The following PEBP4 variants were observed in gnomAD, a reference collection of about 807,000 sequenced individuals.
The protein encoded by PEBP4 is phosphatidylethanolamine-binding protein 4.
In PEBP4, 22 loss-of-function variants were observed where a neutral mutation model predicts 23.9. The ratio of observed to expected loss-of-function variants is 0.92; its 90% confidence interval spans 0.66 to 1.31. PEBP4 has a LOEUF of 1.31. Ranked by LOEUF, PEBP4 falls within the 40% of genes most tolerant of loss-of-function variation. The pLI, the probability that PEBP4 is intolerant of heterozygous loss-of-function variation, is 0.00. For synonymous variants in PEBP4, 112 were observed against 99.3 expected (o/e 1.13, Z -0.76); for missense variants, 324 against 281.7 (o/e 1.15, Z -1.07).
intron 5 of PEBP4, among the ~76,000 whole-genome samples, chr8:22,726,589 G>C (rs546353679): frequency 7.4e-4 from 112 of 152,320 alleles, no homozygotes; most frequent in African/African-American, 2.5e-3. Context: ...CCACTTCTCC[G>C]GGCCAGGCCC....
At chr8:22,898,163 G>A (rs920662075) in intron 3 of PEBP4, among the ~76,000 whole-genome samples, 4 of 151,768 alleles carry the variant, frequency 2.6e-5, no homozygotes, top group Non-Finnish European at 2.9e-5. Context: ...AAGCCGAGGC[G>A]GGTGGATCAC....
rs187030206 is a variant in PEBP4 at position 22,819,897 on chromosome 8, C to T, written c.259-2162G>A. On this transcript the variant is annotated intron_variant, in intron 3 of 6. Transcript: ENST00000256404. ...CTGGAATTACAGGCGTGAGCCACCG[C>T]GCCCAGCCCAAGATATTTTTTAAAG... Among the ~76,000 whole-genome samples the T allele has an allele frequency of 4.6e-3, 702 of 152,296 alleles. 5 individuals are homozygous for T. The highest frequency in any genetic ancestry group is 0.015 in the African/African-American group (642 of 41,554).
chr8:22,862,801 T>G (rs1262427110), intron 3 of PEBP4, among the ~76,000 whole-genome samples: 1 of 14,712 alleles, frequency 6.8e-5, no homozygotes, highest in Non-Finnish European at 4.2e-4. Context: ...CTCATAACCT[T>G]TTTTTTTTTT....
At chr8:22,767,170 G>A (rs1805628133) in intron 4 of PEBP4, among the ~76,000 whole-genome samples, 1 of 152,234 alleles carries the variant, frequency 6.6e-6, no homozygotes, top group Non-Finnish European at 1.5e-5. Flanking sequence ...ATTGACTAGA[G>A]CGAAGCTCCG....
intron 4 of PEBP4, among the ~76,000 whole-genome samples, chr8:22,783,766 G>A (rs1179731702): frequency 2.6e-5 from 4 of 152,198 alleles, no homozygotes; most frequent in Non-Finnish European, 5.9e-5. Flanking sequence ...ACAAGTAACT[G>A]GGACCGCAGA....
intron 4 of PEBP4, among the ~76,000 whole-genome samples, chr8:22,728,420 G>C (rs1167067859): frequency 6.6e-6 from 1 of 152,152 alleles, no homozygotes; most frequent in African/African-American, 2.4e-5. Context: ...AGGAGCAGGA[G>C]ACTGTGGAAG....
intron 3 of PEBP4, among the ~76,000 whole-genome samples, chr8:22,831,241 T>C (rs1332128787): frequency 6.6e-6 from 1 of 152,230 alleles, no homozygotes; most frequent in East Asian, 1.9e-4. Context: ...TTGTTAATCA[T>C]CCTTGCATTT....
At chr8:22,834,192 T>C (rs1332408464) in intron 3 of PEBP4, among the ~76,000 whole-genome samples, 2 of 152,248 alleles carry the variant, frequency 1.3e-5, no homozygotes, top group African/African-American at 2.4e-5. Flanking sequence ...CATACAAATT[T>C]AGCCCATAGT....
intron 4 of PEBP4, among the ~76,000 whole-genome samples, chr8:22,796,578 C>T (rs1423935947): frequency 2.0e-5 from 3 of 152,112 alleles, no homozygotes; most frequent in African/African-American, 4.8e-5. Flanking sequence ...GCCTGCATGC[C>T]GCCTAAGAAG....
intron 3 of PEBP4, among the ~76,000 whole-genome samples, chr8:22,893,711 G>A (rs2457432): frequency 0.55 from 83,327 of 151,800 alleles, 24,086 homozygotes; most frequent in East Asian, 0.81. Context: ...TAAGATATTA[G>A]TGAACTTGAA....
intron 4 of PEBP4, among the ~76,000 whole-genome samples, chr8:22,753,223 A>G (rs1051668310): frequency 1.3e-5 from 2 of 152,200 alleles, no homozygotes; most frequent in African/African-American, 2.4e-5. Flanking sequence ...TGGGAACCAC[A>G]CAGCTGCCTG....
intron 6 of PEBP4, among the ~76,000 whole-genome samples, chr8:22,723,979 A>ACCCTCCCTCC (rs1804572905): frequency 6.6e-6 from 1 of 152,158 alleles, no homozygotes; most frequent in African/African-American, 2.4e-5. Context: ...ATGGCTGACG[A>ACCCTCCCTCC]CACCCACCCT....
At chr8:22,918,933 ATGTGCACACATGTGCACG>A (rs750117843) in intron 3 of PEBP4, among the ~76,000 whole-genome samples, 19 of 151,810 alleles carry the variant, frequency 1.3e-4, no homozygotes, top group East Asian at 9.7e-4. Context: ...GTGTGTGCAC[ATGTGCACACATGTGCACG>A]TGTGCACTTT....
intron 3 of PEBP4, among the ~76,000 whole-genome samples, chr8:22,918,839 T>G (rs951886431): frequency 2.0e-5 from 3 of 152,172 alleles, no homozygotes; most frequent in Non-Finnish European, 4.4e-5. Flanking sequence ...TCTGCTCCTC[T>G]TGGCTGTCCA....
At chr8:22,882,428 C>A (rs1324584507) in intron 3 of PEBP4, among the ~76,000 whole-genome samples, 3 of 152,176 alleles carry the variant, frequency 2.0e-5, no homozygotes, top group Non-Finnish European at 4.4e-5. Flanking sequence ...TCTTTCTTGA[C>A]CTCACAGATC....
chr8:22,827,367 T>C (rs1806992700), intron 3 of PEBP4, among the ~76,000 whole-genome samples: 1 of 152,106 alleles, frequency 6.6e-6, no homozygotes, highest in South Asian at 2.1e-4. Flanking sequence ...CAGAAAGAAA[T>C]TTTGTACCAT....
intron 4 of PEBP4, among the ~76,000 whole-genome samples, chr8:22,741,758 G>A (rs899127989): frequency 2.0e-5 from 3 of 152,194 alleles, no homozygotes; most frequent in South Asian, 2.1e-4. Context: ...CCGTCCCCCC[G>A]GCAGGCAGGA....
chr8:22,847,807 C>T (rs536607987), intron 3 of PEBP4, among the ~76,000 whole-genome samples: 1 of 152,256 alleles, frequency 6.6e-6, no homozygotes, highest in South Asian at 2.1e-4. Flanking sequence ...CAACCCTGCT[C>T]AACCCCAGCC....
chr8:22,817,961 G>A (rs958559358), intron 3 of PEBP4, among the ~76,000 whole-genome samples: 9 of 152,166 alleles, frequency 5.9e-5, no homozygotes, highest in Non-Finnish European at 1.3e-4. Flanking sequence ...TCCTCTTTGT[G>A]AGGAAGAATA....
Sources: allele counts gnomAD v4.1 joint callset (sites outside exome capture counted in the v4.1 genomes callset), GRCh38; gene constraint gnomAD v4.1.1; transcripts MANE v1.5; gene names NCBI Gene and HGNC (gene_info 2026-07-23, HGNC 2026-07-21).